The following RNF10 variants were observed in gnomAD, a reference collection of about 807,000 sequenced individuals.
RNF10 encodes the protein ring finger protein 10.
RNF10 carries 38 observed loss-of-function variants against 91.4 expected under a neutral mutation model. The ratio of observed to expected loss-of-function variants is 0.42; its 90% CI spans 0.32 to 0.54. The LOEUF (loss-of-function observed/expected upper bound fraction) is 0.54, where lower values mean the gene tolerates loss of function less well. RNF10 is among the 20% of genes least tolerant of loss of function. The pLI, the probability that RNF10 is intolerant of heterozygous loss-of-function variation, is 0.16. For synonymous variants in RNF10, 364 were observed against 366.3 expected (o/e 0.99, Z 0.07); for missense variants, 945 against 1,012.0 (o/e 0.93, Z 0.90).
At chr12:120,562,441 A>G (rs1875011494) in intron 7 of RNF10, among the ~76,000 whole-genome samples, 1 of 150,786 alleles carries the variant, frequency 6.6e-6, no homozygotes, top group Non-Finnish European at 1.5e-5. Context: ...TGCCTGGGTT[A>G]TTTTGTATTT....
rs2137200461 is a variant in RNF10, at chr12:120,557,175, G to T, written c.646-107G>T. On this transcript the variant is annotated intron_variant, in intron 4 of 16. Transcript: ENST00000325954. ...ATATGTTGAGTATAAGGATGTACGGGGATAGAGATGAGAGAGATGCGGATG... is the reference window on the plus strand; with the variant it reads ...ATATGTTGAGTATAAGGATGTACGGTGATAGAGATGAGAGAGATGCGGATG... 4.4e-6 allele frequency: 4 copies of T among 910,022 alleles called. 1 individual carries two copies. In the Middle Eastern group the frequency reaches 8.9e-4, roughly 203 times the overall value. 56.4% of individuals were successfully genotyped at this position (910,022 alleles called of 1,614,324 possible).
chr12:120,548,728 C>T (rs987205001), intron 2 of RNF10, among the ~76,000 whole-genome samples: 3 of 148,726 alleles, frequency 2.0e-5, no homozygotes, highest in East Asian at 2.0e-4. Flanking sequence ...GGCGCAATCT[C>T]GGCTCACTGC....
chr12:120,534,992 G>C (rs1477907707), intron 1 of RNF10, 24 bp downstream of exon 1: 1 of 1,572,954 alleles, frequency 6.4e-7, no homozygotes, highest in African/African-American at 1.4e-5. Context: ...TGCGGCAGTG[G>C]GCGGGGGCGA....
intron 7 of RNF10, among the ~76,000 whole-genome samples, chr12:120,562,474 A>G (rs985700711): frequency 6.6e-6 from 1 of 151,608 alleles, no homozygotes; most frequent in Non-Finnish European, 1.5e-5. Context: ...GGGTTTCTCC[A>G]TGTTGGTCAG....
At chr12:120,561,490 C>G (rs1336057972) in intron 7 of RNF10, among the ~76,000 whole-genome samples, 1 of 152,178 alleles carries the variant, frequency 6.6e-6, no homozygotes, top group Non-Finnish European at 1.5e-5. Context: ...TAGGGTGATT[C>G]TGATGGCTGC....
chr12:120,540,511 A>C (rs1359252839), intron 1 of RNF10, among the ~76,000 whole-genome samples: 1 of 152,196 alleles, frequency 6.6e-6, no homozygotes, highest in Non-Finnish European at 1.5e-5. Flanking sequence ...AGTTGTCCAC[A>C]AAACATTTCA....
In RNF10 at chr12:120,563,866, G is replaced by C; in HGVS notation, c.1588G>C (p.Glu530Gln). ...TGTGAATGTGCGCTGCCTCGTGCGG[G>C]AGTACGGCAGCCTGGAGAGGAGCCC... ...HPVNVRCLVR[E>Q]YGSLERSPEK... is the part of the protein sequence containing the mutation. The change falls in exon 10 of 17, where the codon GAG (glutamate) becomes CAG (glutamine). Residue 530 changes from glutamate to glutamine, a missense_variant. Glu to Gln is a conservative substitution (Grantham distance 29). Transcript: ENST00000325954. 6.2e-7 allele frequency: 1 copy of C among 1,614,190 alleles called. No homozygotes were observed. Among genetic ancestry groups the C allele is most frequent in the South Asian group, 1.1e-5 (1 of 91,082 alleles).
chr12:120,553,849 G>A (rs1873556054), intron 3 of RNF10: 3 of 150,568 alleles, frequency 2.0e-5, no homozygotes, highest in Admixed American at 6.6e-5. Context: ...TGAAGTAACC[G>A]TTTTGTACTT....
chr12:120,564,552 G>T (rs1413703173), intron 10 of RNF10, among the ~76,000 whole-genome samples: 2 of 152,176 alleles, frequency 1.3e-5, no homozygotes, highest in Non-Finnish European at 2.9e-5. Flanking sequence ...CTGAGCTGGG[G>T]AGATCAAGTC....
chr12:120,565,550 C>A (rs374866107), intron 12 of RNF10, 21 bp downstream of exon 12: 3 of 1,593,064 alleles, frequency 1.9e-6, no homozygotes, highest in Non-Finnish European at 2.6e-6. Context: ...GAACTTTCAT[C>A]TTTGACTAGC....
chr12:120,546,500 A>G lies in RNF10; in HGVS notation c.253A>G (p.Ser85Gly). The G allele has an allele frequency of 1.2e-6, 2 of 1,614,218 alleles. No homozygotes were observed. The highest frequency in any genetic ancestry group is 1.7e-6 in the Non-Finnish European group (2 of 1,180,026). ...TTTTAACAACCAGTCCCGTCGCTCC[A>G]GTTCACAGAAAAGCAAGACTTTTAA... The part of the protein sequence containing the change: ...ESFNNQSRRS[S>G]SQKSKTFNKM... Residue 85 changes from serine (S) to glycine (G), a missense_variant, in exon 2 of 17, where the codon AGT becomes GGT. Ser to Gly is a moderately conservative substitution (Grantham distance 56). Coordinates refer to ENST00000325954, the MANE Select transcript of RNF10 (RefSeq NM_014868.5).
intron 13 of RNF10, among the ~76,000 whole-genome samples, chr12:120,568,648 G>A (rs190381681): frequency 2.0e-5 from 3 of 151,578 alleles, no homozygotes; most frequent in African/African-American, 7.3e-5. Flanking sequence ...GCTAATTTTT[G>A]TATTTTTAAT....
chr12:120,552,157 G>A (rs1873203878), intron 2 of RNF10, among the ~76,000 whole-genome samples: 1 of 151,498 alleles, frequency 6.6e-6, no homozygotes, highest in African/African-American at 2.4e-5. Context: ...CACTTTGGGA[G>A]GCTGAGGTGA....
chr12:120,561,139 C>T (rs1376917161), intron 7 of RNF10, among the ~76,000 whole-genome samples: 1 of 152,076 alleles, frequency 6.6e-6, no homozygotes, highest in Non-Finnish European at 1.5e-5. Flanking sequence ...CTGAAAGGAG[C>T]AAGTCAAAAT....
chr12:120,573,121 A>G (rs989204015), intron 14 of RNF10, among the ~76,000 whole-genome samples: 1 of 152,170 alleles, frequency 6.6e-6, no homozygotes, highest in Non-Finnish European at 1.5e-5. Flanking sequence ...ACCGCTAAGT[A>G]CTTAGGAGAT....
In RNF10 at chr12:120,566,951, C is replaced by T; in HGVS notation, c.2012C>T (p.Pro671Leu). ...TEGHGALSIS[P>L]LSRSPGSHAD... Reference sequence around the variant, plus strand: ...GGCCATGGGGCCCTCTCCATTTCTCCTCTCAGCAGAAGTCCAGGTTCCCAT... The same window carrying T: ...GGCCATGGGGCCCTCTCCATTTCTCTTCTCAGCAGAAGTCCAGGTTCCCAT... The change falls in exon 13 of 17, where the codon CCT (proline) becomes CTT (leucine). Residue 671 changes from proline (P) to leucine (L), a missense_variant. Pro to Leu is a moderately conservative substitution (Grantham distance 98, BLOSUM62 -3). Transcript: ENST00000325954. 6.2e-7 allele frequency: 1 copy of T among 1,608,454 alleles called. No homozygotes were observed. Among genetic ancestry groups the T allele is most frequent in the Non-Finnish European group, 8.5e-7 (1 of 1,178,684 alleles).
At chr12:120,539,628 G>A (rs1248946721) in intron 1 of RNF10, among the ~76,000 whole-genome samples, 2 of 152,166 alleles carry the variant, frequency 1.3e-5, no homozygotes, top group African/African-American at 2.4e-5. Context: ...TTGGTAATGG[G>A]GGGAGGCTGA....
chr12:120,540,919 G>T (rs551962000), intron 1 of RNF10, among the ~76,000 whole-genome samples: 2 of 150,104 alleles, frequency 1.3e-5, no homozygotes, highest in South Asian at 4.2e-4. Context: ...TAGTGGTGCA[G>T]TCTCGGCCTT....
chr12:120,571,696 C>G (rs1408434336), intron 14 of RNF10, among the ~76,000 whole-genome samples: 1 of 152,142 alleles, frequency 6.6e-6, no homozygotes, highest in Non-Finnish European at 1.5e-5. Flanking sequence ...AACTTGTGTA[C>G]TGGATACTAT....
Sources: gnomAD v4.1 joint callset for allele counts (sites outside exome capture counted in the v4.1 genomes callset) on GRCh38, gnomAD v4.1.1 for gene constraint, MANE v1.5 for transcripts, NCBI Gene and HGNC (gene_info 2026-07-23, HGNC 2026-07-21) for gene names.